NOX4: variants seen among roughly 807,000 people sequenced by gnomAD.
The protein encoded by NOX4 is kidney oxidase-1.
In NOX4, 69 loss-of-function variants were observed where a neutral mutation model predicts 87.6. The ratio of observed to expected loss-of-function variants is 0.79; its 90% CI spans 0.65 to 0.96. The LOEUF (loss-of-function observed/expected upper bound fraction) is 0.96, where lower values mean the gene tolerates loss of function less well. NOX4 is among the 40% of genes least tolerant of loss of function. NOX4 has a pLI of 0.00. For synonymous variants in NOX4, 275 were observed against 238.2 expected (o/e 1.15, Z -1.42); for missense variants, 680 against 681.5 (o/e 1.00, Z 0.02).
At chr11:89,362,008 G>C (rs1480948024) in intron 12 of NOX4, among the ~76,000 whole-genome samples, 1 of 152,016 alleles carries the variant, frequency 6.6e-6, no homozygotes, top group African/African-American at 2.4e-5. Flanking sequence ...GCACTACACA[G>C]GCAACTCTGA....
intron 7 of NOX4, among the ~76,000 whole-genome samples, chr11:89,432,254 A>G (rs1943837134): frequency 6.6e-6 from 1 of 152,038 alleles, no homozygotes; most frequent in Non-Finnish European, 1.5e-5. Flanking sequence ...AATGTAAATG[A>G]TGAGTTAATG....
intron 12 of NOX4, among the ~76,000 whole-genome samples, chr11:89,369,549 C>G (rs1304602577): frequency 6.6e-6 from 1 of 152,026 alleles, no homozygotes; most frequent in Non-Finnish European, 1.5e-5. Context: ...TAAATATTAT[C>G]TTCCACAAAT....
chr11:89,471,721 AT>A (rs1565333481), intron 2 of NOX4, among the ~76,000 whole-genome samples: 1 of 151,826 alleles, frequency 6.6e-6, no homozygotes, highest in African/African-American at 2.4e-5. Flanking sequence ...AACTTTTTTG[AT>A]TGTTTTTGTT....
intron 17 of NOX4, among the ~76,000 whole-genome samples, chr11:89,329,031 T>C (rs1945339306): frequency 6.6e-6 from 1 of 151,974 alleles, no homozygotes; most frequent in Non-Finnish European, 1.5e-5. Context: ...CTGTGGTATA[T>C]TGCTATGGTA....
chr11:89,530,288 A>G, the NOX4 span, among the ~76,000 whole-genome samples: 1 of 140,608 alleles, frequency 7.1e-6, no homozygotes, highest in East Asian at 2.1e-4. Context: ...CCTTTCCCTC[A>G]CTCTCTCCAT....
At chr11:89,524,230 T>C in the NOX4 span, among the ~76,000 whole-genome samples, 1 of 152,206 alleles carries the variant, frequency 6.6e-6, no homozygotes, top group African/African-American at 2.4e-5. Context: ...GAGCACTGTT[T>C]AATGCCTGCT....
intron 6 of NOX4, among the ~76,000 whole-genome samples, chr11:89,439,686 C>G (rs1225470154): frequency 6.6e-6 from 1 of 152,104 alleles, no homozygotes; most frequent in Non-Finnish European, 1.5e-5. Context: ...CCAAATGCAT[C>G]TTTATTCTTT....
intron 17 of NOX4, among the ~76,000 whole-genome samples, chr11:89,327,263 A>T (rs1945258557): frequency 6.6e-6 from 1 of 152,214 alleles, no homozygotes; most frequent in South Asian, 2.1e-4. Flanking sequence ...TTCAGTCCAC[A>T]CTGAACTATG....
the NOX4 span, among the ~76,000 whole-genome samples, chr11:89,546,869 T>C: frequency 1.3e-5 from 2 of 152,170 alleles, no homozygotes; most frequent in South Asian, 4.1e-4. Context: ...AATCACCTAT[T>C]CAAGGTCTCA....
chr11:89,443,106 T>A (rs553829551), intron 5 of NOX4, among the ~76,000 whole-genome samples: 8 of 152,156 alleles, frequency 5.3e-5, no homozygotes, highest in African/African-American at 1.7e-4. Flanking sequence ...TTTTTACAAA[T>A]TATCAATGCC....
chr11:89,572,178 G>T, the NOX4 span, among the ~76,000 whole-genome samples: 1 of 152,158 alleles, frequency 6.6e-6, no homozygotes, highest in African/African-American at 2.4e-5. Context: ...ACCTCCTGAG[G>T]CTCTGTCAGG....
intron 4 of NOX4, among the ~76,000 whole-genome samples, chr11:89,445,093 A>G (rs1222397688): frequency 5.9e-5 from 9 of 152,172 alleles, no homozygotes; most frequent in Non-Finnish European, 1.3e-4. Flanking sequence ...AACTCGCTGG[A>G]AAATTTGTGA....
chr11:89,329,105 T>C (rs545266133), intron 17 of NOX4, among the ~76,000 whole-genome samples: 38 of 151,748 alleles, frequency 2.5e-4, no homozygotes, highest in South Asian at 8.3e-4. Context: ...ATGATAGAGA[T>C]GACAGACGTG....
upstream of NOX4, among the ~76,000 whole-genome samples, chr11:89,500,257 C>A (rs1404415948): frequency 1.3e-5 from 2 of 152,132 alleles, no homozygotes; most frequent in East Asian, 1.9e-4. Context: ...TCAGTTCTGT[C>A]AATTTTTTGC....
upstream of NOX4, among the ~76,000 whole-genome samples, chr11:89,494,473 C>T (rs1946925942): frequency 6.6e-6 from 1 of 152,152 alleles, no homozygotes; most frequent in Admixed American, 6.5e-5. Context: ...GTCTAATTCT[C>T]CTACTCAACT....
At chr11:89,484,165 A>G (rs1946497222) in intron 2 of NOX4, among the ~76,000 whole-genome samples, 1 of 152,130 alleles carries the variant, frequency 6.6e-6, no homozygotes. Context: ...AGATTTGACT[A>G]TCTTTGAGAT....
the NOX4 span, among the ~76,000 whole-genome samples, chr11:89,550,554 G>A: frequency 1.3e-5 from 2 of 152,142 alleles, no homozygotes; most frequent in African/African-American, 2.4e-5. Context: ...CAGTGATGAT[G>A]AGCTTTTTTT....
upstream of NOX4, among the ~76,000 whole-genome samples, chr11:89,502,156 G>C (rs530982457): frequency 6.6e-6 from 1 of 151,932 alleles, no homozygotes. Context: ...AGAAAGATGA[G>C]GGTGCATGGA....
chr11:89,470,918 C>T (rs1945906333), intron 2 of NOX4, among the ~76,000 whole-genome samples: 1 of 152,118 alleles, frequency 6.6e-6, no homozygotes, highest in Non-Finnish European at 1.5e-5. Context: ...CAGACTGCTG[C>T]TATCCCTTCT....
Sources: allele counts gnomAD v4.1 joint callset (sites outside exome capture counted in the v4.1 genomes callset), GRCh38; gene constraint gnomAD v4.1.1; transcripts MANE v1.5; gene names NCBI Gene and HGNC (gene_info 2026-07-23, HGNC 2026-07-21).